SHROOM3: variants seen among roughly 807,000 people sequenced by gnomAD.
The protein encoded by SHROOM3 is shroom family member 3, also known as protein Shroom3.
Under a neutral mutation model 138.6 loss-of-function variants are expected in SHROOM3, and 47 were observed. That is an observed-to-expected ratio of 0.34 (90% CI 0.27 to 0.43). SHROOM3 has a LOEUF of 0.43. Among genes scored for constraint, SHROOM3 ranks in the 20% least tolerant of loss-of-function variants. The probability of loss-of-function intolerance (pLI) is 1.00; values close to 1 mark genes in which losing one functional copy is unlikely to be tolerated. For synonymous variants in SHROOM3, 1,062 were observed against 1,063.3 expected (o/e 1.00, Z 0.02); for missense variants, 2,491 against 2,596.5 (o/e 0.96, Z 0.88).
intron 1 of SHROOM3, among the ~76,000 whole-genome samples, chr4:76,477,983 G>C (rs922479614): frequency 6.6e-6 from 1 of 152,212 alleles, no homozygotes; most frequent in East Asian, 1.9e-4. Context: ...GCAACCCACA[G>C]ACCAGGAGAC....
chr4:76,670,252 T>C (rs1054273306), intron 2 of SHROOM3, among the ~76,000 whole-genome samples: 1 of 152,242 alleles, frequency 6.6e-6, no homozygotes, highest in African/African-American at 2.4e-5. Flanking sequence ...AGAATACTAT[T>C]CTACAATAAA....
intron 2 of SHROOM3, among the ~76,000 whole-genome samples, chr4:76,611,234 T>C (rs1734754786): frequency 6.6e-6 from 1 of 151,608 alleles, no homozygotes; most frequent in African/African-American, 2.4e-5. Context: ...CAGTTGACTT[T>C]GTGCGCCCTC....
At chr4:76,668,991 A>AT (rs1383171484) in intron 2 of SHROOM3, among the ~76,000 whole-genome samples, 3 of 152,182 alleles carry the variant, frequency 2.0e-5, no homozygotes, top group African/African-American at 4.8e-5. Flanking sequence ...AGCATATTGC[A>AT]TTTTTTAACT....
chr4:76,529,409 C>T (rs1016457702), intron 1 of SHROOM3, among the ~76,000 whole-genome samples: 14 of 152,006 alleles, frequency 9.2e-5, no homozygotes, highest in African/African-American at 2.9e-4. Flanking sequence ...CTCCACCTCC[C>T]GAGTTCACAC....
rs370926039 is a variant in SHROOM3 at position 76,578,768 on chromosome 4, T to C, written c.323+23005T>C. Among the ~76,000 whole-genome samples, 71 of 152,318 alleles carry C rather than the reference T, an allele frequency of 4.7e-4. 1 individual carries two copies. The highest frequency in any genetic ancestry group is 1.6e-3 in the African/African-American group (66 of 41,562). ...TACACTTTATCCATTCTGTGTATGT[T>C]ACACTTTAATAAACATTTTTAAATG... On this transcript the variant is annotated intron_variant, in intron 2 of 10. Transcript: ENST00000296043.
chr4:76,664,800 A>G lies in SHROOM3; in HGVS notation c.324-45356A>G, dbSNP rs139095876. On this transcript the variant is annotated intron_variant, in intron 2 of 10. Transcript: ENST00000296043. The surrounding 1 kb of genome is among the most constrained non-coding windows in gnomAD (Gnocchi z 4.2). Reference sequence around the variant, plus strand: ...TTATCCTGCAAAACTGAAACTCTATACACACTAAAAACTCCATTTCCCTCT... The same window carrying G: ...TTATCCTGCAAAACTGAAACTCTATGCACACTAAAAACTCCATTTCCCTCT... Among the ~76,000 whole-genome samples, 1 of 152,296 alleles carries G rather than the reference A, an allele frequency of 6.6e-6. No individual in the cohort carries two copies. The highest frequency in any genetic ancestry group is 2.4e-5 in the African/African-American group (1 of 41,546).
At chr4:76,716,748 C>T (rs147249438) in intron 3 of SHROOM3, among the ~76,000 whole-genome samples, 44 of 152,318 alleles carry the variant, frequency 2.9e-4, no homozygotes, top group Non-Finnish European at 5.1e-4. Flanking sequence ...GTGTACCTCA[C>T]GGTTTTCCTT....
At chr4:76,602,953 T>G (rs572404969) in intron 2 of SHROOM3, among the ~76,000 whole-genome samples, 2 of 152,346 alleles carry the variant, frequency 1.3e-5, no homozygotes, top group East Asian at 3.9e-4. Context: ...TAGTAAATGC[T>G]CAAGATACAT....
intron 2 of SHROOM3, among the ~76,000 whole-genome samples, chr4:76,660,076 A>G (rs1409293688): frequency 6.6e-6 from 1 of 151,890 alleles, no homozygotes; most frequent in Non-Finnish European, 1.5e-5. Flanking sequence ...TCCCCACCTC[A>G]CACGCACCTC....
At chr4:76,445,924 A>G (rs563916134) in intron 1 of SHROOM3, among the ~76,000 whole-genome samples, 1 of 152,294 alleles carries the variant, frequency 6.6e-6, no homozygotes, top group East Asian at 1.9e-4. Flanking sequence ...TGTCAACATC[A>G]TAGTAACTTA....
At chr4:76,463,582 A>C (rs982999630) in intron 1 of SHROOM3, among the ~76,000 whole-genome samples, 1 of 152,222 alleles carries the variant, frequency 6.6e-6, no homozygotes, top group Non-Finnish European at 1.5e-5. Flanking sequence ...ACAATGGGGA[A>C]AATGTCTCCA....
chr4:76,584,471 G>A (rs1489638908), intron 2 of SHROOM3, among the ~76,000 whole-genome samples: 1 of 152,178 alleles, frequency 6.6e-6, no homozygotes, highest in Non-Finnish European at 1.5e-5. Context: ...GATCTGAAGT[G>A]AGCTTAAATT....
intron 2 of SHROOM3, among the ~76,000 whole-genome samples, chr4:76,640,683 G>A (rs1271132193): frequency 6.6e-6 from 1 of 152,218 alleles, no homozygotes; most frequent in Non-Finnish European, 1.5e-5. Flanking sequence ...GAGCTGGTTG[G>A]CATCATTGCC....
intron 3 of SHROOM3, among the ~76,000 whole-genome samples, chr4:76,729,731 C>G (rs1177789166): frequency 6.6e-6 from 1 of 152,204 alleles, no homozygotes; most frequent in Non-Finnish European, 1.5e-5. Context: ...GGTCTCCTGA[C>G]ACCTGGTCTA....
chr4:76,597,516 G>A (rs1435874968), intron 2 of SHROOM3, among the ~76,000 whole-genome samples: 1 of 152,016 alleles, frequency 6.6e-6, no homozygotes, highest in East Asian at 1.9e-4. Context: ...AGAGTAGAGG[G>A]TCCCACAAAT....
At chr4:76,731,415 A>G (rs781090284) in intron 4 of SHROOM3, among the ~76,000 whole-genome samples, 3 of 152,222 alleles carry the variant, frequency 2.0e-5, no homozygotes, top group African/African-American at 4.8e-5. Flanking sequence ...TGTATACATT[A>G]TCTCATGTAG....
At chr4:76,609,299 T>C (rs1202427111) in intron 2 of SHROOM3, among the ~76,000 whole-genome samples, 1 of 152,178 alleles carries the variant, frequency 6.6e-6, no homozygotes, top group East Asian at 1.9e-4. Flanking sequence ...TGTTTGTTTG[T>C]TTGTTTTGGA....
At chr4:76,479,591 G>A (rs894532202) in intron 1 of SHROOM3, among the ~76,000 whole-genome samples, 1 of 152,136 alleles carries the variant, frequency 6.6e-6, no homozygotes, top group African/African-American at 2.4e-5. Context: ...CCCCAACCTA[G>A]CAAGACAGGC....
At chr4:76,693,378 T>TTTTTTG (rs1553937644) in intron 2 of SHROOM3, among the ~76,000 whole-genome samples, 6,897 of 132,144 alleles carry the variant, frequency 0.052, 355 homozygotes, top group Admixed American at 0.1. Flanking sequence ...TTGTTTTTTT[T>TTTTTTG]TTTTTTTTTT....
Sources: allele counts gnomAD v4.1 joint callset (sites outside exome capture counted in the v4.1 genomes callset), GRCh38; gene constraint gnomAD v4.1.1; non-coding constraint Gnocchi (gnomAD v3.1); transcripts MANE v1.5; gene names NCBI Gene and HGNC (gene_info 2026-07-23, HGNC 2026-07-21).